Variants in ZNF385D observed in about 807,000 individuals in gnomAD.
ZNF385D encodes the protein zinc finger protein 659.
Under a neutral mutation model 35.8 loss-of-function variants are expected in ZNF385D, and 15 were observed. That is an observed-to-expected ratio of 0.42 (90% confidence interval 0.28 to 0.64). The LOEUF (loss-of-function observed/expected upper bound fraction) is 0.64, where lower values mean the gene tolerates loss of function less well. Among genes scored for constraint, ZNF385D ranks in the 30% least tolerant of loss-of-function variants. ZNF385D has a pLI of 0.23. For synonymous variants in ZNF385D, 212 were observed against 186.8 expected (o/e 1.13, Z -1.10); for missense variants, 474 against 494.6 (o/e 0.96, Z 0.39).
chr3:21,463,748 C>T (rs547927267), intron 4 of ZNF385D, among the ~76,000 whole-genome samples: 2 of 152,324 alleles, frequency 1.3e-5, no homozygotes, highest in East Asian at 3.9e-4. Context: ...TTCTGATCTG[C>T]AGCCCCTCAG....
chr3:22,219,306 T>C (rs1434535685), intron 2 of ZNF385D, among the ~76,000 whole-genome samples: 1 of 152,106 alleles, frequency 6.6e-6, no homozygotes, highest in Non-Finnish European at 1.5e-5. Context: ...CCTGCCTCTC[T>C]CCCCAACCCT....
chr3:21,953,996 G>C (rs1702176268), intron 3 of ZNF385D, among the ~76,000 whole-genome samples: 1 of 151,924 alleles, frequency 6.6e-6, no homozygotes, highest in African/African-American at 2.4e-5. Flanking sequence ...CTGGACAAAA[G>C]AGAAAAACAA....
At chr3:21,502,894 C>T (rs961548027) in intron 4 of ZNF385D, among the ~76,000 whole-genome samples, 2 of 152,202 alleles carry the variant, frequency 1.3e-5, no homozygotes, top group Admixed American at 1.3e-4. Flanking sequence ...GGTGCTTCAA[C>T]TCCTGTGCCA....
chr3:21,501,948 G>A (rs1437474530), intron 4 of ZNF385D, among the ~76,000 whole-genome samples: 1 of 152,072 alleles, frequency 6.6e-6, no homozygotes, highest in Non-Finnish European at 1.5e-5. Flanking sequence ...GTACTTTATA[G>A]ATGTAAAATC....
At chr3:21,985,148 T>G (rs1012401368) in intron 3 of ZNF385D, among the ~76,000 whole-genome samples, 6 of 96,310 alleles carry the variant, frequency 6.2e-5, no homozygotes, top group African/African-American at 1.2e-4. Flanking sequence ...CCTAATTGAA[T>G]ACCCTTTATT....
At chr3:21,960,102 TG>T (rs1702503472) in intron 3 of ZNF385D, among the ~76,000 whole-genome samples, 1 of 145,846 alleles carries the variant, frequency 6.9e-6, no homozygotes, top group Non-Finnish European at 1.5e-5. Context: ...CAAAAAGTGA[TG>T]AAAAAAAATC....
chr3:22,332,373 T>C (rs959513671), intron 2 of ZNF385D, among the ~76,000 whole-genome samples: 7 of 152,176 alleles, frequency 4.6e-5, no homozygotes, highest in African/African-American at 1.7e-4. Flanking sequence ...CAAAGAATAT[T>C]AGCCTGAAGA....
intron 3 of ZNF385D, among the ~76,000 whole-genome samples, chr3:21,881,764 T>C (rs1024857842): frequency 1.3e-5 from 2 of 151,988 alleles, no homozygotes; most frequent in African/African-American, 4.8e-5. Flanking sequence ...TCATTCTAGA[T>C]GCCATTAAGC....
chr3:22,317,382 A>G (rs1279282442), intron 2 of ZNF385D, among the ~76,000 whole-genome samples: 4 of 151,984 alleles, frequency 2.6e-5, no homozygotes, highest in Admixed American at 6.6e-5. Flanking sequence ...AGTAACCAAG[A>G]AAGAGCAACC....
intron 4 of ZNF385D, among the ~76,000 whole-genome samples, chr3:21,484,209 C>T (rs936919269): frequency 6.6e-6 from 1 of 152,158 alleles, no homozygotes; most frequent in Non-Finnish European, 1.5e-5. Flanking sequence ...ACGGTTTGAC[C>T]GTGGCTCACT....
intron 3 of ZNF385D, among the ~76,000 whole-genome samples, chr3:21,544,730 T>C (rs9881728): frequency 0.41 from 61,911 of 152,100 alleles, 12,652 homozygotes; most frequent in Middle Eastern, 0.44. Flanking sequence ...TTTTTGCTTC[T>C]TTAAAATTTC....
intron 2 of ZNF385D, among the ~76,000 whole-genome samples, chr3:22,365,346 A>AG (rs1222605808): frequency 2.0e-5 from 3 of 151,870 alleles, no homozygotes; most frequent in Admixed American, 6.6e-5. Flanking sequence ...AAGAAAAAAA[A>AG]TTGAAAAACA....
chr3:21,892,887 G>A (rs1698945202), intron 3 of ZNF385D, among the ~76,000 whole-genome samples: 1 of 152,138 alleles, frequency 6.6e-6, no homozygotes, highest in Non-Finnish European at 1.5e-5. Flanking sequence ...AAATAGAATA[G>A]AATAGAATGC....
chr3:21,981,324 TAG>T (rs1559815607), intron 3 of ZNF385D, among the ~76,000 whole-genome samples: 1 of 152,072 alleles, frequency 6.6e-6, no homozygotes, highest in Non-Finnish European at 1.5e-5. Flanking sequence ...ATCAGTGATA[TAG>T]AGATTTTTTT....
intron 2 of ZNF385D, among the ~76,000 whole-genome samples, chr3:21,664,111 TA>T (rs201721578): frequency 0.016 from 2,193 of 137,466 alleles, 45 homozygotes; most frequent in African/African-American, 0.046. Flanking sequence ...AAGATAATAT[TA>T]AAAAAAAAAA....
intron 3 of ZNF385D, among the ~76,000 whole-genome samples, chr3:21,791,454 T>C (rs1254555066): frequency 1.3e-5 from 2 of 152,176 alleles, no homozygotes; most frequent in Non-Finnish European, 2.9e-5. Flanking sequence ...TTCAGATAAT[T>C]TGCCCCTTAA....
chr3:22,350,494 T>A (rs1259682476), intron 2 of ZNF385D, among the ~76,000 whole-genome samples: 13 of 152,102 alleles, frequency 8.5e-5, no homozygotes. Context: ...CACCAGTCCA[T>A]GATAAATCTG....
chr3:21,511,932 A>T (rs1180345756), intron 3 of ZNF385D, among the ~76,000 whole-genome samples: 1 of 151,354 alleles, frequency 6.6e-6, no homozygotes, highest in East Asian at 2.0e-4. Flanking sequence ...GTGGATCACG[A>T]GGTCAAGAGA....
chr3:21,676,247 A>G (rs188952090), intron 1 of ZNF385D, among the ~76,000 whole-genome samples: 193 of 152,242 alleles, frequency 1.3e-3, no homozygotes, highest in Middle Eastern at 3.4e-3. Context: ...TTTGGTGAAC[A>G]TTCTTACAAA....
Sources: gnomAD v4.1 joint callset for allele counts (sites outside exome capture counted in the v4.1 genomes callset) on GRCh38, gnomAD v4.1.1 for gene constraint, MANE v1.5 for transcripts, NCBI Gene and HGNC (gene_info 2026-07-23, HGNC 2026-07-21) for gene names.